The following PCDHGA12 variants were observed in gnomAD, a reference collection of about 807,000 sequenced individuals.
PCDHGA12 encodes protocadherin gamma-A12.
Under a neutral mutation model 61.1 loss-of-function variants are expected in PCDHGA12, and 43 were observed. The ratio of observed to expected loss-of-function variants is 0.70; its 90% confidence interval spans 0.55 to 0.91. PCDHGA12 has a LOEUF of 0.91. PCDHGA12 is among the 40% of genes least tolerant of loss of function. The pLI, the probability that PCDHGA12 is intolerant of heterozygous loss-of-function variation, is 0.00. For synonymous variants in PCDHGA12, 520 were observed against 542.9 expected, an observed-to-expected ratio of 0.96 and a Z score of 0.59; for missense variants, 1,236 against 1,227.7, an observed-to-expected ratio of 1.01 and a Z score of -0.10.
At chr5:141,472,176 G>C (rs1416695177) in intron 1 of PCDHGA12, among the ~76,000 whole-genome samples, 3 of 152,144 alleles carry the variant, frequency 2.0e-5, no homozygotes, top group Non-Finnish European at 2.9e-5. Context: ...GTAATATCCA[G>C]TATTGGAATT....
chr5:141,456,748 A>C (rs1448893002), intron 1 of PCDHGA12, among the ~76,000 whole-genome samples: 1 of 151,852 alleles, frequency 6.6e-6, no homozygotes, highest in Non-Finnish European at 1.5e-5. Context: ...GAGCATCATG[A>C]GGTCAGGAGT....
At chr5:141,443,751 A>C (rs1372334547) in intron 1 of PCDHGA12, among the ~76,000 whole-genome samples, 3 of 152,230 alleles carry the variant, frequency 2.0e-5, no homozygotes, top group African/African-American at 7.2e-5. Context: ...GTGAATTGGA[A>C]GCTTACAATA....
intron 1 of PCDHGA12, among the ~76,000 whole-genome samples, chr5:141,488,190 G>A (rs1162264945): frequency 1.3e-5 from 2 of 152,164 alleles, no homozygotes; most frequent in African/African-American, 4.8e-5. Flanking sequence ...CTTTTGGTCT[G>A]GGTCTTAGGA....
chr5:141,496,795 T>C (rs886559302), intron 2 of PCDHGA12, among the ~76,000 whole-genome samples: 27 of 151,976 alleles, frequency 1.8e-4, no homozygotes, highest in Middle Eastern at 3.4e-3. Flanking sequence ...GTGCTAAACA[T>C]TGGGCTATAG....
chr5:141,450,220 G>A (rs898186696), intron 1 of PCDHGA12, among the ~76,000 whole-genome samples: 12 of 151,956 alleles, frequency 7.9e-5, no homozygotes, highest in African/African-American at 2.9e-4. Flanking sequence ...GTTTCACTAT[G>A]TTGGCCAGGC....
At position 141,490,745 on chromosome 5, in the gene PCDHGA12, C is replaced by A. The variant is rs769031787; in HGVS notation, c.2425-4062C>A. 1 of 1,614,238 alleles carries A rather than the reference C, an allele frequency of 6.2e-7. No homozygotes were observed. Among genetic ancestry groups the A allele is most frequent in the Non-Finnish European group, 8.5e-7 (1 of 1,180,042 alleles). ...GTAGGAAATCAGGTTCAGGGAGCCCCAGCCTCCTCCTTTGTGTATGTCAAC... is the reference window on the plus strand; with the variant it reads ...GTAGGAAATCAGGTTCAGGGAGCCCAAGCCTCCTCCTTTGTGTATGTCAAC... On this transcript the variant is annotated intron_variant, in intron 1 of 3. Transcript: ENST00000252085. The surrounding 1 kb of genome is among the most constrained non-coding windows in gnomAD (Gnocchi z 5.4).
intron 1 of PCDHGA12, among the ~76,000 whole-genome samples, chr5:141,436,010 A>G (rs1188507054): frequency 6.6e-6 from 1 of 152,168 alleles, no homozygotes; most frequent in Non-Finnish European, 1.5e-5. Context: ...AAGTATTTGA[A>G]TTTATCTAAA....
chr5:141,506,444 CAAAAAAAAAAAAA>C (rs1219684339), intron 3 of PCDHGA12, among the ~76,000 whole-genome samples: 1 of 95,030 alleles, frequency 1.1e-5, no homozygotes, highest in Non-Finnish European at 2.2e-5. Context: ...CGCTCTGTCT[CAAAAAAAAAAAAA>C]AAAAAAAAGA....
rs111458813 is a variant in PCDHGA12 at position 141,483,648 on chromosome 5, TTG to T, written c.2425-11139_2425-11138del. Among the ~76,000 whole-genome samples, 82 of 149,502 alleles carry T rather than the reference TTG, an allele frequency of 5.5e-4. 1 individual carries two copies. The highest frequency in any genetic ancestry group is 2.5e-3 in the Admixed American group (37 of 14,990). Reference sequence around the variant, plus strand: ...GGAGAAGGTATAGAGGGGTGTGTGTTTGTGTGTGTGTGTGTGTGTGTAAAAGA... The same window carrying T: ...GGAGAAGGTATAGAGGGGTGTGTGTTTGTGTGTGTGTGTGTGTGTAAAAGA... On this transcript the variant is annotated intron_variant, in intron 1 of 3. Transcript: ENST00000252085.
At chr5:141,462,035 C>T (rs35674654) in intron 1 of PCDHGA12, among the ~76,000 whole-genome samples, 14,886 of 152,176 alleles carry the variant, frequency 0.098, 964 homozygotes, top group Non-Finnish European at 0.14. Context: ...GTTGGTCAGG[C>T]GGGTCTTGAA....
At position 141,485,342 on chromosome 5, in the gene PCDHGA12, G is replaced by A; in HGVS notation, c.2425-9465G>A. On this transcript the variant is annotated intron_variant, in intron 1 of 3. Coordinates refer to ENST00000252085, the MANE Select transcript of PCDHGA12 (RefSeq NM_003735.3). The surrounding 1 kb of genome is among the most constrained non-coding windows in gnomAD (Gnocchi z 5.7). ...CGCTCAAGATTTCCTGCTGGATACG[G>A]ACAGTCTGTCAGCTCGCAGGCTGCA... 1 of 1,614,164 alleles carries A rather than the reference G, an allele frequency of 6.2e-7. No homozygotes were observed. The highest frequency in any genetic ancestry group is 8.5e-7 in the Non-Finnish European group (1 of 1,180,026).
At position 141,440,639 on chromosome 5, in the gene PCDHGA12, T is replaced by C. The variant is rs2098191350; in HGVS notation, c.2424+7456T>C. On this transcript the variant is annotated intron_variant, in intron 1 of 3. Coordinates refer to ENST00000252085, the MANE Select transcript of PCDHGA12 (RefSeq NM_003735.3). ...GATCCTGATGTTGAGAGAAATTCCT[T>C]ACAAAATTATCACCTTAGCAGCAAC... 2 of 152,192 alleles carry C rather than the reference T, an allele frequency of 1.3e-5. 1 individual carries two copies. The highest frequency in any genetic ancestry group is 4.8e-5 in the African/African-American group (2 of 41,440). The allele number at this position is 152,192 out of a possible 1,614,324, so 9.4% of individuals were successfully genotyped here.
At chr5:141,437,104 T>C (rs539232057) in intron 1 of PCDHGA12, among the ~76,000 whole-genome samples, 1 of 152,338 alleles carries the variant, frequency 6.6e-6, no homozygotes, top group African/African-American at 2.4e-5. Flanking sequence ...GGCTTAGCTT[T>C]AGGATTTTTA....
At chr5:141,456,815 T>A (rs867637586) in intron 1 of PCDHGA12, among the ~76,000 whole-genome samples, 5 of 151,934 alleles carry the variant, frequency 3.3e-5, no homozygotes, top group Non-Finnish European at 7.4e-5. Flanking sequence ...ATACAAAAAA[T>A]TAGCCATCGT....
chr5:141,433,837 C>CAAAAAA (rs56191208), intron 1 of PCDHGA12, among the ~76,000 whole-genome samples: 2 of 111,692 alleles, frequency 1.8e-5, no homozygotes, highest in Non-Finnish European at 3.9e-5. Context: ...AACTCTATCT[C>CAAAAAA]AAAAAAAAAA....
At chr5:141,506,231 A>G (rs1453468632) in intron 3 of PCDHGA12, among the ~76,000 whole-genome samples, 4 of 152,082 alleles carry the variant, frequency 2.6e-5, no homozygotes, top group African/African-American at 4.8e-5. Context: ...CAGGAGGATC[A>G]TGAGGTCAGG....
At chr5:141,494,783 C>G (rs2099756910) in intron 1 of PCDHGA12, 24 bp from the exon 2 acceptor site, 2 of 1,613,964 alleles carry the variant, frequency 1.2e-6, no homozygotes, top group Admixed American at 3.3e-5. Context: ...GTACTCAGCC[C>G]CTTTCCCTCT....
rs79464787 is a variant in PCDHGA12, at chr5:141,480,455, T to C, written c.2425-14352T>C. Among the ~76,000 whole-genome samples the C allele has an allele frequency of 7.4e-3, 1,134 of 152,274 alleles. 17 individuals are homozygous for C. The highest frequency in any genetic ancestry group is 0.026 in the African/African-American group (1,086 of 41,548). ...CAGCTATTACTATAATTATTTTTAT[T>C]AGTTCCTCACTCACCTAAAATCTCA... On this transcript the variant is annotated intron_variant, in intron 1 of 3. Transcript: ENST00000252085.
Position 141,457,874 on chromosome 5 carries a change from G to A in PCDHGA12, c.2424+24691G>A, listed in dbSNP as rs1592531610. Among the ~76,000 whole-genome samples, 7 of 152,320 alleles carry A rather than the reference G, an allele frequency of 4.6e-5. No homozygotes were observed. In the South Asian group the frequency reaches 1.5e-3, roughly 32 times the overall value. On this transcript the variant is annotated intron_variant, in intron 1 of 3. Transcript: ENST00000252085. ...ACATTCTTCACTGACCACAGGTTAGGAACCCTGTGTGGGGACTGTGTAGAC... is the reference window on the plus strand; with the variant it reads ...ACATTCTTCACTGACCACAGGTTAGAAACCCTGTGTGGGGACTGTGTAGAC...
Sources: allele counts gnomAD v4.1 joint callset (sites outside exome capture counted in the v4.1 genomes callset), GRCh38; gene constraint gnomAD v4.1.1; non-coding constraint Gnocchi (gnomAD v3.1); transcripts MANE v1.5; gene names NCBI Gene and HGNC (gene_info 2026-07-23, HGNC 2026-07-21).